C4BPA: variants seen among roughly 807,000 people sequenced by gnomAD.
C4BPA encodes the protein complement component 4 binding protein alpha.
Under a neutral mutation model 63.7 loss-of-function variants are expected in C4BPA, and 31 were observed. That is an observed-to-expected ratio of 0.49 (90% CI 0.37 to 0.66). The LOEUF (loss-of-function observed/expected upper bound fraction) is 0.66, where lower values mean the gene tolerates loss of function less well. C4BPA is among the 30% of genes least tolerant of loss of function. C4BPA has a pLI of 0.00. For synonymous variants in C4BPA, 259 were observed against 254.7 expected, an observed-to-expected ratio of 1.02 and a Z score of -0.16; for missense variants, 572 against 723.3, an observed-to-expected ratio of 0.79 and a Z score of 2.40.
intron 6 of C4BPA, 65 bp from the exon 7 acceptor site, chr1:207,126,648 G>A: frequency 8.6e-7 from 1 of 1,161,734 alleles, no homozygotes; most frequent in Non-Finnish European, 1.3e-6. Flanking sequence ...GATTAGCAGT[G>A]GCAGTAATAT....
intron 9 of C4BPA, among the ~76,000 whole-genome samples, chr1:207,139,343 T>C (rs1362922488): frequency 6.6e-6 from 1 of 152,220 alleles, no homozygotes; most frequent in Non-Finnish European, 1.5e-5. Flanking sequence ...TTAATGGAAA[T>C]ATCACAGGGA....
At position 207,131,688 on chromosome 1, in the gene C4BPA, G is replaced by A. The variant is rs746166546; in HGVS notation, c.1032G>A (p.Thr344=). 9.3e-6 allele frequency: 15 copies of A among 1,613,866 alleles called. No homozygotes were observed. Among genetic ancestry groups the A allele is most frequent in the East Asian group, 6.7e-5 (3 of 44,826 alleles). ...PGYKPTTDEP[T]TVICQKNLRW... ...ACAAACCCACTACAGATGAGCCTAC[G>A]ACTGTGATTTGTCAGAAAAATTTGA... Residue 344 remains threonine (T), a synonymous_variant, in exon 8 of 12, where the codon ACG becomes ACA. Transcript: ENST00000367070.
intron 8 of C4BPA, among the ~76,000 whole-genome samples, chr1:207,132,141 G>A (rs796889699): frequency 1.1e-4 from 17 of 152,302 alleles, no homozygotes; most frequent in African/African-American, 3.6e-4. Flanking sequence ...AGTCATGAGC[G>A]TAACCAGCTG....
intron 1 of C4BPA, among the ~76,000 whole-genome samples, chr1:207,108,462 T>A (rs887357361): frequency 6.6e-6 from 1 of 152,212 alleles, no homozygotes; most frequent in East Asian, 1.9e-4. Flanking sequence ...TATCATCTGC[T>A]TTTTTGCAGC....
chr1:207,119,994 T>C (rs1247323517), intron 4 of C4BPA, among the ~76,000 whole-genome samples: 1 of 152,258 alleles, frequency 6.6e-6, no homozygotes, highest in South Asian at 2.1e-4. Flanking sequence ...GTTATTATAG[T>C]TTTTTGTTGA....
At chr1:207,130,192 A>G (rs1309314283) in intron 7 of C4BPA, among the ~76,000 whole-genome samples, 2 of 152,202 alleles carry the variant, frequency 1.3e-5, no homozygotes, top group Non-Finnish European at 1.5e-5. Context: ...AATTGCTTTC[A>G]GTCTGAACAA....
chr1:207,122,766 G>A (rs1684946168), intron 4 of C4BPA, among the ~76,000 whole-genome samples: 2 of 151,988 alleles, frequency 1.3e-5, no homozygotes, highest in South Asian at 2.1e-4. Context: ...TAGAGATGGG[G>A]TTTTGTCATA....
intron 4 of C4BPA, among the ~76,000 whole-genome samples, chr1:207,117,551 C>T (rs1423583878): frequency 6.6e-6 from 1 of 152,180 alleles, no homozygotes; most frequent in Non-Finnish European, 1.5e-5. Flanking sequence ...CAAAACTATT[C>T]CTCTACCCTC....
chr1:207,105,389 C>T (rs769938712), intron 1 of C4BPA, among the ~76,000 whole-genome samples: 2 of 151,890 alleles, frequency 1.3e-5, no homozygotes, highest in Admixed American at 6.6e-5. Context: ...GAACCCCTGT[C>T]TCTACTAAAA....
chr1:207,118,080 T>A (rs541693060), intron 4 of C4BPA, among the ~76,000 whole-genome samples: 1 of 152,316 alleles, frequency 6.6e-6, no homozygotes, highest in Non-Finnish European at 1.5e-5. Context: ...TTTAAATGGA[T>A]TATTTATCCA....
In C4BPA at chr1:207,104,785, A is replaced by G. The variant is rs190232431; in HGVS notation, c.-26+355A>G. Among the ~76,000 whole-genome samples the G allele has an allele frequency of 1.1e-3, 171 of 152,348 alleles. 2 individuals are homozygous for G. The highest frequency in any genetic ancestry group is 1.9e-4 in the East Asian group (1 of 5,188). Reference sequence around the variant, plus strand: ...ACATCAGAGTTGAGGCAAGGGGTCAATCAGACTTTTCAAAGGGTTCACAGG... The same window carrying G: ...ACATCAGAGTTGAGGCAAGGGGTCAGTCAGACTTTTCAAAGGGTTCACAGG... On this transcript the variant is annotated intron_variant, in intron 1 of 11. Transcript: ENST00000367070.
chr1:207,112,767 CA>C (rs1684695980), intron 1 of C4BPA: 1 of 433,682 alleles, frequency 2.3e-6, no homozygotes, highest in African/African-American at 2.1e-5. Context: ...GTCTCCTCTG[CA>C]AAGCCCACTC....
intron 7 of C4BPA, among the ~76,000 whole-genome samples, chr1:207,127,911 G>A (rs73079137): frequency 0.06 from 9,099 of 152,150 alleles, 582 homozygotes; most frequent in African/African-American, 0.16. Flanking sequence ...AGTTATTTGG[G>A]GTGGATTTGG....
At chr1:207,107,513 C>T (rs1684584963) in intron 1 of C4BPA, among the ~76,000 whole-genome samples, 1 of 152,172 alleles carries the variant, frequency 6.6e-6, no homozygotes, top group Non-Finnish European at 1.5e-5. Context: ...TGCACCACTT[C>T]ACTCCAGCTT....
intron 9 of C4BPA, among the ~76,000 whole-genome samples, chr1:207,137,587 ATATGTTTTGTTTTGTTTTGTTTTGT>A (rs1685310221): frequency 7.0e-6 from 1 of 142,444 alleles, no homozygotes; most frequent in South Asian, 2.2e-4. Flanking sequence ...GGTTGTGGAG[ATATGTTTTGTTTTGTTTTGTTTTGT>A]TTTGTTTTGT....
chr1:207,135,919 G>A (rs186026589), intron 9 of C4BPA, among the ~76,000 whole-genome samples: 20 of 152,268 alleles, frequency 1.3e-4, no homozygotes, highest in Non-Finnish European at 2.2e-4. Context: ...TGGATGTAGT[G>A]GATCCTATGC....
At chr1:207,129,249 A>G (rs1685112073) in intron 7 of C4BPA, among the ~76,000 whole-genome samples, 1 of 152,084 alleles carries the variant, frequency 6.6e-6, no homozygotes, top group Non-Finnish European at 1.5e-5. Flanking sequence ...TTTGAAGCAC[A>G]GAGATGAAAA....
intron 4 of C4BPA, among the ~76,000 whole-genome samples, chr1:207,116,368 T>TG (rs990750517): frequency 1.3e-5 from 2 of 151,578 alleles, no homozygotes; most frequent in African/African-American, 2.4e-5. Flanking sequence ...TGGTTGTTGT[T>TG]TTTTTTCCTT....
Position 207,124,428 on chromosome 1 carries a change from A to G in C4BPA, c.706+62A>G, listed in dbSNP as rs1044993112. On this transcript the variant is annotated intron_variant, in intron 6 of 11. Coordinates refer to ENST00000367070, the MANE Select transcript of C4BPA (RefSeq NM_000715.4). ...GCTCTCTTTTGTTTAAAAGAGAAAG[A>G]AAGGTAAATTTATTGGGGGGCAAAT... 4 of 1,327,058 alleles carry G rather than the reference A, an allele frequency of 3.0e-6. No individual in the cohort carries two copies. The African/African-American group carries it at 4.4e-5, about 15-fold the overall frequency. 82.2% of individuals were successfully genotyped at this position (1,327,058 alleles called of 1,614,324 possible).
Sources: allele counts gnomAD v4.1 joint callset (sites outside exome capture counted in the v4.1 genomes callset), GRCh38; gene constraint gnomAD v4.1.1; transcripts MANE v1.5; gene names NCBI Gene and HGNC (gene_info 2026-07-23, HGNC 2026-07-21).